The following SEMA3D variants were observed in gnomAD, a reference collection of about 807,000 sequenced individuals.
The protein encoded by SEMA3D is semaphorin 3D, also known as semaphorin-3D.
SEMA3D carries 84 observed loss-of-function variants against 100.1 expected under a neutral mutation model. That is an observed-to-expected ratio of 0.84 (90% confidence interval 0.70 to 1.01). The LOEUF is 1.01. Ranked by LOEUF, SEMA3D falls within the 50% of genes least tolerant of loss-of-function variation. The pLI is 0.00. For missense variants in SEMA3D, 875 were observed against 934.1 expected (o/e 0.94, Z 0.82); for synonymous variants, 312 against 320.7 (o/e 0.97, Z 0.29).
At chr7:85,198,034 C>T in the SEMA3D span, among the ~76,000 whole-genome samples, 1 of 152,266 alleles carries the variant, frequency 6.6e-6, no homozygotes, top group African/African-American at 2.4e-5. Context: ...ATGGTTTTCA[C>T]CATACAAAGC....
the SEMA3D span, among the ~76,000 whole-genome samples, chr7:85,236,850 G>A: frequency 2.0e-5 from 3 of 152,096 alleles, no homozygotes; most frequent in African/African-American, 7.2e-5. Context: ...TAAAGAACAG[G>A]CACAGGATGC....
At chr7:85,003,469 C>T (rs1405010977) in intron 18 of SEMA3D, among the ~76,000 whole-genome samples, 1 of 151,880 alleles carries the variant, frequency 6.6e-6, no homozygotes, top group Non-Finnish European at 1.5e-5. Flanking sequence ...TAATTGCTGT[C>T]TCATTGGGGA....
chr7:85,081,543 A>G lies in SEMA3D; in HGVS notation c.349T>C (p.Cys117Arg), dbSNP rs1788064598. 2 of 1,612,112 alleles carry G rather than the reference A, an allele frequency of 1.2e-6. No individual in the cohort carries two copies. Among genetic ancestry groups the G allele is most frequent in the South Asian group, 1.1e-5 (1 of 91,058 alleles). Residue 117 changes from cysteine (C) to arginine (R), a missense_variant, in exon 5 of 19, where the codon TGT becomes CGT. Coordinates refer to ENST00000284136, the MANE Select transcript of SEMA3D (RefSeq NM_001384900.1). ...TTGGCATCTTTCCCAGCTAATTTAC[A>G]TAATTCCACCCGTTCCTTTGCAGCA... ...WPAAKERVEL[C>R]KLAGKDANTE...
rs1562791949 is a variant in SEMA3D at position 85,036,893 on chromosome 7, C to CCAGGGG, written c.1186_1187insCCCCTG (p.Pro395_Gly396insAlaPro). 6.2e-7 allele frequency: 1 copy of CCAGGGG among 1,612,200 alleles called. No individual in the cohort carries two copies. The highest frequency in any genetic ancestry group is 2.2e-5 in the East Asian group (1 of 44,836). ...ATTATTAAGTTGGATACATACTGTA[C>CCAGGGG]CAGGCCGTGGATAAGGAATTCTCCC... On this transcript the variant is annotated inframe_insertion, in exon 12 of 19. Transcript: ENST00000284136.
chr7:85,115,384 AT>A (rs1789209208), intron 3 of SEMA3D, among the ~76,000 whole-genome samples: 1 of 152,216 alleles, frequency 6.6e-6, no homozygotes, highest in South Asian at 2.1e-4. Context: ...CTCAGTCCTT[AT>A]GCCAATGTTT....
rs768598418 is a variant in SEMA3D at position 85,072,935 on chromosome 7, G to A, written c.495+27C>T. 7.7e-6 allele frequency: 12 copies of A among 1,550,018 alleles called. No homozygotes were observed. The South Asian group carries it at 1.4e-4, about 18-fold the overall frequency. On this transcript the variant is annotated intron_variant, in intron 6 of 18. Transcript: ENST00000284136. ...GTAGTAATGTATTACAATAAATTAT[G>A]CTTTTCATGCTTTTTCATTATATTA...
the SEMA3D span, among the ~76,000 whole-genome samples, chr7:85,245,548 G>T: frequency 2.6e-5 from 4 of 152,112 alleles, no homozygotes; most frequent in Admixed American, 2.6e-4. Context: ...ATTAAATCAA[G>T]TTGAAATTTT....
chr7:85,104,150 A>G (rs1214567377), intron 3 of SEMA3D, among the ~76,000 whole-genome samples: 1 of 152,116 alleles, frequency 6.6e-6, no homozygotes, highest in Non-Finnish European at 1.5e-5. Flanking sequence ...TGACTTTTGC[A>G]GGCAATGACT....
intron 17 of SEMA3D, among the ~76,000 whole-genome samples, chr7:85,007,412 AG>A (rs1227350198): frequency 6.6e-6 from 1 of 151,850 alleles, no homozygotes; most frequent in African/African-American, 2.4e-5. Flanking sequence ...ATATCAGAAA[AG>A]TAAGTTATAG....
chr7:85,247,473 T>C, the SEMA3D span, among the ~76,000 whole-genome samples: 1 of 152,092 alleles, frequency 6.6e-6, no homozygotes, highest in Non-Finnish European at 1.5e-5. Flanking sequence ...TCCTTGAATA[T>C]ATTAACAGTT....
intron 5 of SEMA3D, among the ~76,000 whole-genome samples, chr7:85,075,156 AG>A (rs1307754622): frequency 3.9e-5 from 6 of 152,134 alleles, no homozygotes; most frequent in African/African-American, 1.4e-4. Context: ...AGGGCAGGGA[AG>A]AGTAAAATCA....
intron 3 of SEMA3D, among the ~76,000 whole-genome samples, chr7:85,099,167 T>A (rs1275786601): frequency 1.3e-5 from 2 of 152,022 alleles, no homozygotes; most frequent in African/African-American, 4.8e-5. Context: ...CATAGTGATA[T>A]GGTTTGGCTG....
chr7:85,140,192 T>A (rs1790004877), intron 2 of SEMA3D: 10 of 541,436 alleles, frequency 1.8e-5, no homozygotes, highest in Non-Finnish European at 2.4e-5. Flanking sequence ...TTATTTAATG[T>A]TTTTTAACAT....
the SEMA3D span, among the ~76,000 whole-genome samples, chr7:85,211,983 T>C: frequency 2.6e-5 from 4 of 152,090 alleles, no homozygotes; most frequent in African/African-American, 7.2e-5. Flanking sequence ...AGTGATTAAG[T>C]TTTTGGAGAG....
the SEMA3D span, among the ~76,000 whole-genome samples, chr7:85,199,228 T>G: frequency 1.3e-5 from 2 of 152,150 alleles, no homozygotes; most frequent in African/African-American, 4.8e-5. Flanking sequence ...TCATGACTAT[T>G]TCTTGTGCAC....
chr7:85,227,350 T>C, the SEMA3D span, among the ~76,000 whole-genome samples: 7 of 152,266 alleles, frequency 4.6e-5, no homozygotes, highest in East Asian at 5.8e-4. Flanking sequence ...TGGGAGGTTA[T>C]TGGATCATGA....
chr7:85,146,647 GA>G (rs1245539010), intron 2 of SEMA3D, among the ~76,000 whole-genome samples: 1 of 151,896 alleles, frequency 6.6e-6, no homozygotes, highest in Admixed American at 6.6e-5. Flanking sequence ...ATTTTCGAAA[GA>G]AAATAAAAAC....
At chr7:85,062,846 A>C (rs568436942) in intron 8 of SEMA3D, among the ~76,000 whole-genome samples, 114 of 152,314 alleles carry the variant, frequency 7.5e-4, no homozygotes, top group African/African-American at 2.7e-3. Context: ...AAACACTGGA[A>C]CACAGGAAAC....
chr7:85,181,622 G>C (rs1418787626), intron 1 of SEMA3D: 4 of 165,244 alleles, frequency 2.4e-5, no homozygotes, highest in Non-Finnish European at 5.0e-5. Flanking sequence ...CCACAAGGAA[G>C]AGAAGCCTAA....
Sources: allele counts gnomAD v4.1 joint callset (sites outside exome capture counted in the v4.1 genomes callset), GRCh38; gene constraint gnomAD v4.1.1; transcripts MANE v1.5; gene names NCBI Gene and HGNC (gene_info 2026-07-23, HGNC 2026-07-21).